The following PTPRD variants were observed in gnomAD, a reference collection of about 807,000 sequenced individuals.
The protein encoded by PTPRD is receptor-type tyrosine-protein phosphatase delta.
A neutral mutation model predicts 214.5 loss-of-function variants in PTPRD; 34 were observed. The observed-to-expected ratio is 0.16, with a 90% CI of 0.12 to 0.21. The LOEUF (loss-of-function observed/expected upper bound fraction) is 0.21. PTPRD is among the 10% of genes least tolerant of loss of function. PTPRD has a pLI of 1.00. For synonymous variants in PTPRD, 1,128 were observed against 845.7 expected (o/e 1.33, Z -5.79); for missense variants, 2,545 against 2,398.7 (o/e 1.06, Z -1.27).
chr9:9,107,966 C>T (rs1465610527), intron 10 of PTPRD, among the ~76,000 whole-genome samples: 1 of 152,170 alleles, frequency 6.6e-6, no homozygotes, highest in East Asian at 1.9e-4. Flanking sequence ...ATGTTCAAGC[C>T]ACTTTTCTCC....
chr9:8,748,938 C>T (rs1565770005), intron 11 of PTPRD, among the ~76,000 whole-genome samples: 1 of 152,060 alleles, frequency 6.6e-6, no homozygotes, highest in African/African-American at 2.4e-5. Flanking sequence ...CATTTTCTAA[C>T]TTGCACTTTA....
intron 14 of PTPRD, among the ~76,000 whole-genome samples, chr9:8,552,430 G>C (rs761759287): frequency 3.0e-4 from 45 of 152,262 alleles, no homozygotes; most frequent in Non-Finnish European, 6.0e-4. Context: ...TTTTCTCCCA[G>C]AGCACTGTAT....
chr9:8,981,527 T>A (rs2099312728), intron 11 of PTPRD, among the ~76,000 whole-genome samples: 1 of 152,074 alleles, frequency 6.6e-6, no homozygotes, highest in African/African-American at 2.4e-5. Context: ...GCAAATCATC[T>A]ACTTGGCTAG....
rs1207413713 is a variant in PTPRD at position 10,100,763 on chromosome 9, A to C, written c.-544-66973T>G. On this transcript the variant is annotated intron_variant, in intron 3 of 45. Transcript: ENST00000381196. ...CATGTTCTGTTCCTCACTGACATGC[A>C]TTGTCTTACTTTACCTATTGATCCT... 2.0e-4 allele frequency among the ~76,000 whole-genome samples: 31 copies of C among 151,674 alleles called. No homozygotes were observed. In the Admixed American group the frequency reaches 2.0e-3, roughly 10 times the overall value.
chr9:10,437,870 T>G (rs567178123), intron 2 of PTPRD, among the ~76,000 whole-genome samples: 46 of 150,786 alleles, frequency 3.1e-4, no homozygotes, highest in Non-Finnish European at 5.5e-4. Flanking sequence ...ATAGTGTCAG[T>G]AGATGAGGCC....
At chr9:9,479,922 T>C (rs1258802166) in intron 8 of PTPRD, among the ~76,000 whole-genome samples, 1 of 152,130 alleles carries the variant, frequency 6.6e-6, no homozygotes, top group East Asian at 1.9e-4. Context: ...ATATAAACTA[T>C]ATAATAAAAG....
Position 10,296,516 on chromosome 9 carries a change from G to A in PTPRD, c.-545+44447C>T, listed in dbSNP as rs542990902. Among the ~76,000 whole-genome samples, 3 of 152,044 alleles carry A rather than the reference G, an allele frequency of 2.0e-5. No individual in the cohort carries two copies. In the South Asian group the frequency reaches 6.2e-4, roughly 32 times the overall value. On this transcript the variant is annotated intron_variant, in intron 3 of 45. Coordinates refer to ENST00000381196, the MANE Select transcript of PTPRD (RefSeq NM_002839.4). ...TCTCTGCTATATAAACCCCTAACTC[G>A]AGTCAGTTATGGATCTGGAGTTGAG...
intron 2 of PTPRD, among the ~76,000 whole-genome samples, chr9:10,441,474 A>C (rs192804696): frequency 6.6e-6 from 1 of 151,772 alleles, no homozygotes; most frequent in Non-Finnish European, 1.5e-5. Flanking sequence ...GACACCGAAT[A>C]TATTTATTAC....
At chr9:10,515,352 C>G (rs555412870) in intron 2 of PTPRD, among the ~76,000 whole-genome samples, 63 of 152,010 alleles carry the variant, frequency 4.1e-4, no homozygotes, top group African/African-American at 1.5e-3. Flanking sequence ...AATGATAAAG[C>G]CTTTGTGGTC....
intron 9 of PTPRD, among the ~76,000 whole-genome samples, chr9:9,313,675 G>A (rs567523516): frequency 2.6e-5 from 4 of 152,268 alleles, no homozygotes; most frequent in East Asian, 3.9e-4. Context: ...GCTGTTGGAA[G>A]GTCAGGCAGA....
At chr9:9,499,522 T>C (rs1217956152) in intron 8 of PTPRD, among the ~76,000 whole-genome samples, 2 of 152,132 alleles carry the variant, frequency 1.3e-5, no homozygotes, top group African/African-American at 4.8e-5. Context: ...CAAAAACTCA[T>C]TTATCTTCAA....
At chr9:8,447,676 C>T (rs543119264) in intron 34 of PTPRD, among the ~76,000 whole-genome samples, 17 of 152,200 alleles carry the variant, frequency 1.1e-4, no homozygotes, top group East Asian at 3.9e-4. Flanking sequence ...TCTGTTGGTG[C>T]GAGAGGAGGT....
At chr9:9,923,018 A>T (rs2083033369) in intron 5 of PTPRD, among the ~76,000 whole-genome samples, 1 of 152,038 alleles carries the variant, frequency 6.6e-6, no homozygotes, top group Admixed American at 6.6e-5. Flanking sequence ...ACTGTAGGTA[A>T]GTAAGACTAT....
intron 11 of PTPRD, among the ~76,000 whole-genome samples, chr9:8,821,706 C>A (rs1315090085): frequency 6.6e-6 from 1 of 152,174 alleles, no homozygotes; most frequent in Admixed American, 6.5e-5. Context: ...CGCTCTGTTG[C>A]CCAGGCTGGA....
chr9:10,567,010 C>T (rs2065836733), intron 2 of PTPRD, among the ~76,000 whole-genome samples: 1 of 152,076 alleles, frequency 6.6e-6, no homozygotes, highest in Non-Finnish European at 1.5e-5. Context: ...GTGAAACTCC[C>T]TCTTTCCTTC....
chr9:8,870,826 G>A (rs2098286140), intron 11 of PTPRD, among the ~76,000 whole-genome samples: 2 of 151,902 alleles, frequency 1.3e-5, no homozygotes, highest in Admixed American at 6.6e-5. Context: ...TGACCTAAAT[G>A]GCCCCTCTGG....
chr9:8,545,241 T>A (rs576036320), intron 14 of PTPRD, among the ~76,000 whole-genome samples: 12 of 152,230 alleles, frequency 7.9e-5, no homozygotes, highest in Non-Finnish European at 1.8e-4. Flanking sequence ...GTTTTCATAC[T>A]TATATTTTGT....
At chr9:10,499,877 TC>T (rs2043147213) in intron 2 of PTPRD, among the ~76,000 whole-genome samples, 1 of 151,840 alleles carries the variant, frequency 6.6e-6, no homozygotes, top group African/African-American at 2.4e-5. Context: ...TATAGATATA[TC>T]TTTTTAAAAA....
chr9:8,385,290 G>A (rs1335903153), intron 37 of PTPRD, among the ~76,000 whole-genome samples: 1 of 152,168 alleles, frequency 6.6e-6, no homozygotes, highest in Admixed American at 6.5e-5. Flanking sequence ...ACTTTGGGGG[G>A]CCAAGGTGGA....
Sources: gnomAD v4.1 joint callset for allele counts (sites outside exome capture counted in the v4.1 genomes callset) on GRCh38, gnomAD v4.1.1 for gene constraint, MANE v1.5 for transcripts, NCBI Gene and HGNC (gene_info 2026-07-23, HGNC 2026-07-21) for gene names.